Variants in NR2E3 observed in about 807,000 individuals in gnomAD.
NR2E3 encodes the protein photoreceptor-specific nuclear receptor.
Under a neutral mutation model 37.6 loss-of-function variants are expected in NR2E3, and 38 were observed. The observed-to-expected ratio is 1.01, with a 90% CI of 0.78 to 1.33. The LOEUF (loss-of-function observed/expected upper bound fraction) is 1.33. NR2E3 is among the 40% of genes most tolerant of loss of function. The pLI is 0.00. For missense variants in NR2E3, 562 were observed against 558.7 expected, an observed-to-expected ratio of 1.01 and a Z score of -0.06; for synonymous variants, 235 against 225.1, an observed-to-expected ratio of 1.04 and a Z score of -0.39.
intron 7 of NR2E3, among the ~76,000 whole-genome samples, chr15:71,816,326 T>C (rs551902221): frequency 6.6e-6 from 1 of 150,524 alleles, no homozygotes; most frequent in African/African-American, 2.5e-5. Context: ...AGTGGCGTGA[T>C]CTCGGTTCAC....
At chr15:71,814,319 C>T in intron 7 of NR2E3, 2 of 1,369,756 alleles carry the variant, frequency 1.5e-6, no homozygotes, top group Non-Finnish European at 1.9e-6. Context: ...AAGCTACTGC[C>T]TTCTAGAGAC....
chr15:71,811,996 C>T lies in NR2E3; in HGVS notation c.391C>T (p.His131Tyr), dbSNP rs751730121. ...CCAGCCGCGAAGCACAGCCCAGGTC[C>T]ACCTGGACAGCATGGAGTCCAACAC... ...ERQPRSTAQV[H>Y]LDSMESNTES... Residue 131 changes from histidine (H) to tyrosine (Y), a missense_variant, in exon 4 of 8, where the codon CAC becomes TAC. Transcript: ENST00000617575. This position sits in a 1 kb window ranked among gnomAD's most constrained non-coding sequence, Gnocchi z 5.6. The T allele has an allele frequency of 2.9e-5, 45 of 1,554,692 alleles. No individual in the cohort carries two copies. In the African/African-American group the frequency reaches 5.7e-4, roughly 20 times the overall value.
At chr15:71,814,885 C>CGGTG in intron 7 of NR2E3, 1 of 985,434 alleles carries the variant, frequency 1.0e-6, no homozygotes, top group Non-Finnish European at 1.2e-6. Flanking sequence ...GGGTCAGACC[C>CGGTG]GGTGTTTGGG....
In NR2E3 at chr15:71,813,097, T is replaced by A. The variant is rs1204766812; in HGVS notation, c.748-292T>A. Among the ~76,000 whole-genome samples, 3 of 152,154 alleles carry A rather than the reference T, an allele frequency of 2.0e-5. No individual in the cohort carries two copies. Among genetic ancestry groups the A allele is most frequent in the African/African-American group, 7.2e-5 (3 of 41,434 alleles). On this transcript the variant is annotated intron_variant, in intron 5 of 7. Transcript: ENST00000617575. The surrounding 1 kb of genome is among the most constrained non-coding windows in gnomAD (Gnocchi z 4.7). ...GCCACACCACTTGAATACACTCAAC[T>A]TAGGACACTCATGAGGCATGTCTCT...
chr15:71,817,434 C>A, intron 7 of NR2E3, 118 bp from the exon 8 acceptor site: 1 of 1,351,080 alleles, frequency 7.4e-7, no homozygotes, highest in Non-Finnish European at 9.9e-7. Context: ...TCCTGACCCA[C>A]TCTGGGGACC....
intron 7 of NR2E3, chr15:71,814,828 T>C: frequency 1.0e-6 from 1 of 985,610 alleles, no homozygotes; most frequent in Admixed American, 6.1e-5. Flanking sequence ...GTTCTGATCT[T>C]TGGGCATGGC....
intron 5 of NR2E3, 110 bp downstream of exon 5, chr15:71,812,621 G>T: frequency 5.3e-6 from 5 of 946,208 alleles, no homozygotes; most frequent in Non-Finnish European, 7.7e-6. Flanking sequence ...AATGCACACA[G>T]CTTGGATGGT....
At chr15:71,815,910 T>C (rs1457401623) in intron 7 of NR2E3, among the ~76,000 whole-genome samples, 5 of 152,224 alleles carry the variant, frequency 3.3e-5, no homozygotes, top group Admixed American at 2.6e-4. Context: ...ACTGACTTTA[T>C]AGTTATTTCT....
rs2054193687 is a variant in NR2E3 at position 71,812,513 on chromosome 15, T to C, written c.747+2T>C. ...TCCAGCCTGCCCTTCCGGGATCAGG[T>C]ACCTACCGGCCTGCCTGCTGGGGAG... On this transcript the variant is annotated splice_donor_variant, in intron 5 of 7. Coordinates refer to ENST00000617575, the MANE Select transcript of NR2E3 (RefSeq NM_014249.4). LOFTEE classifies it high-confidence loss of function. 1.2e-6 allele frequency: 2 copies of C among 1,605,288 alleles called. No homozygotes were observed. The highest frequency in any genetic ancestry group is 1.3e-5 in the African/African-American group (1 of 74,802).
rs1046617409 is a variant in NR2E3 at position 71,811,945 on chromosome 15, G to A, written c.350-10G>A. 3.2e-6 allele frequency: 5 copies of A among 1,549,036 alleles called. No homozygotes were observed. The highest frequency in any genetic ancestry group is 3.9e-5 in the Admixed American group (2 of 50,996). On this transcript the variant is annotated splice_polypyrimidine_tract_variant and intron_variant, in intron 3 of 7. Coordinates refer to ENST00000617575, the MANE Select transcript of NR2E3 (RefSeq NM_014249.4). The surrounding 1 kb of genome is among the most constrained non-coding windows in gnomAD (Gnocchi z 5.6). ...CTGGCGTGTCGTCCTGACCCTTCCT[G>A]CCTCCCCAGCCGTGCAGAACGAGCG...
intron 7 of NR2E3, 90 bp from the exon 8 acceptor site, chr15:71,817,462 C>G: frequency 6.8e-7 from 1 of 1,471,346 alleles, no homozygotes. Flanking sequence ...TCCTCTCCTT[C>G]CTCCCCTCCC....
In NR2E3 at chr15:71,811,455, T is replaced by A. The variant is rs2742318; in HGVS notation, c.119-28T>A. 6.7e-7 allele frequency: 1 copy of A among 1,502,442 alleles called. No individual in the cohort carries two copies. Among genetic ancestry groups the A allele is most frequent in the Admixed American group, 2.0e-5 (1 of 49,290 alleles). The allele number at this position is 1,502,442 out of a possible 1,614,324, so 93.1% of individuals were successfully genotyped here. On this transcript the variant is annotated intron_variant, in intron 1 of 7. Transcript: ENST00000617575. The surrounding 1 kb of genome is among the most constrained non-coding windows in gnomAD (Gnocchi z 5.6). ...GCCCTGCCCCGGCCCAGCCCTGCCC[T>A]GGCCCAGCCCTGCCCCCTGCCCCTC...
Position 71,813,282 on chromosome 15 carries a change from C to A in NR2E3, c.748-107C>A. 1 of 1,474,470 alleles carries A rather than the reference C, an allele frequency of 6.8e-7. No individual in the cohort carries two copies. The highest frequency in any genetic ancestry group is 9.2e-7 in the Non-Finnish European group (1 of 1,092,074). 91.3% of individuals were successfully genotyped at this position (1,474,470 alleles called of 1,614,324 possible). A position where few individuals can be genotyped will look rare whatever the true frequency, so the allele number is the denominator to read the frequency against. On this transcript the variant is annotated intron_variant, in intron 5 of 7. Transcript: ENST00000617575. This position sits in a 1 kb window ranked among gnomAD's most constrained non-coding sequence, Gnocchi z 4.7. ...ATGTCAGGAGAGCATTCTCGGGTCC[C>A]AGGACAGCACTTCCATTCCTTGGGT...
chr15:71,811,445 AGCCCT>A lies in NR2E3; in HGVS notation c.119-31_119-27del. On this transcript the variant is annotated intron_variant, in intron 1 of 7. Transcript: ENST00000617575. The surrounding 1 kb of genome is among the most constrained non-coding windows in gnomAD (Gnocchi z 5.6). ...GGAGCGTGCAGCCCTGCCCCGGCCCAGCCCTGCCCTGGCCCAGCCCTGCCCCCTGC... is the reference window on the plus strand; with the variant it reads ...GGAGCGTGCAGCCCTGCCCCGGCCCAGCCCTGGCCCAGCCCTGCCCCCTGC... 1 of 1,485,454 alleles carries A rather than the reference AGCCCT, an allele frequency of 6.7e-7. No homozygotes were observed. Among genetic ancestry groups the A allele is most frequent in the Non-Finnish European group, 9.0e-7 (1 of 1,111,904 alleles). The allele number at this position is 1,485,454 out of a possible 1,614,324, so 92.0% of individuals were successfully genotyped here.
At chr15:71,814,867 G>T in intron 7 of NR2E3, 1 of 985,618 alleles carries the variant, frequency 1.0e-6, no homozygotes, top group South Asian at 4.7e-5. Flanking sequence ...GACTCTAGGA[G>T]TTGAAATGGG....
In NR2E3 at chr15:71,813,429, T is replaced by C. The variant is rs2054201996; in HGVS notation, c.788T>C (p.Leu263Pro). The change falls in exon 6 of 8, where the codon CTC becomes CCC. Residue 263 changes from leucine (L) to proline (P), a missense_variant. Coordinates refer to ENST00000617575, the MANE Select transcript of NR2E3 (RefSeq NM_014249.4). This position sits in a 1 kb window ranked among gnomAD's most constrained non-coding sequence, Gnocchi z 4.7. ...GAGGCGTGGAGTGAACTCTTTCTCC[T>C]CGGGGCCATCCAGTGGTCTCTGCCT... is the stretch of plus-strand genomic sequence containing the variant. ...LEEAWSELFL[L>P]GAIQWSLPLD... The C allele has an allele frequency of 1.9e-6, 3 of 1,610,742 alleles. No individual in the cohort carries two copies. Among genetic ancestry groups the C allele is most frequent in the Admixed American group, 1.7e-5 (1 of 59,582 alleles).
chr15:71,811,594 G>A lies in NR2E3; in HGVS notation c.230G>A (p.Arg77Gln), dbSNP rs186714117. The A allele has an allele frequency of 1.5e-3, 2,347 of 1,604,238 alleles. 5 individuals carry two copies. The highest frequency in any genetic ancestry group is 1.9e-3 in the Non-Finnish European group (2,243 of 1,176,038). ...GGCTTCTTCAAGAGGAGCGTACGGCGGAGGCTCATCTACAGGTGAGTGCGG... is the reference window on the plus strand; with the variant it reads ...GGCTTCTTCAAGAGGAGCGTACGGCAGAGGCTCATCTACAGGTGAGTGCGG... ...CSGFFKRSVR[R>Q]RLIYRCQVGA... Residue 77 changes from arginine to glutamine, a missense_variant, in exon 2 of 8, where the codon CGG (arginine) becomes CAG (glutamine). Arg to Gln is a conservative substitution (Grantham distance 43). Transcript: ENST00000617575. The surrounding 1 kb of genome is among the most constrained non-coding windows in gnomAD (Gnocchi z 5.6).
Position 71,813,483 on chromosome 15 carries a change from C to T in NR2E3, c.842C>T (p.Pro281Leu). 6.2e-7 allele frequency: 1 copy of T among 1,611,240 alleles called. No individual in the cohort carries two copies. Among genetic ancestry groups the T allele is most frequent in the Non-Finnish European group, 8.5e-7 (1 of 1,178,810 alleles). The stretch of plus-strand genomic sequence containing the variant: ...GACAGCTGTCCTCTGCTGGCACCGC[C>T]CGAGGCCTCTGCTGCCGGTGGTGCC... Reference protein sequence around the residue: ...PLDSCPLLAPPEASAAGGAQG... With the variant: ...PLDSCPLLAPLEASAAGGAQG... Residue 281 changes from proline (P) to leucine (L), a missense_variant, in exon 6 of 8, where the codon CCC becomes CTC. Pro to Leu is a moderately conservative substitution (Grantham distance 98). Coordinates refer to ENST00000617575, the MANE Select transcript of NR2E3 (RefSeq NM_014249.4). The surrounding 1 kb of genome is among the most constrained non-coding windows in gnomAD (Gnocchi z 4.7).
At chr15:71,810,994 G>C (rs1038516863) in intron 1 of NR2E3, 133 bp downstream of exon 1, 3 of 888,938 alleles carry the variant, frequency 3.4e-6, no homozygotes, top group Non-Finnish European at 4.9e-6. Flanking sequence ...CAAGGGTGGG[G>C]TAGCCTGTGG....
Sources: gnomAD v4.1 joint callset for allele counts (sites outside exome capture counted in the v4.1 genomes callset) on GRCh38, gnomAD v4.1.1 for gene constraint, Gnocchi (gnomAD v3.1) non-coding constraint, MANE v1.5 for transcripts, NCBI Gene and HGNC (gene_info 2026-07-23, HGNC 2026-07-21) for gene names.